The following KLHL1 variants were observed in gnomAD, a reference collection of about 807,000 sequenced individuals.
KLHL1 encodes the protein kelch-like protein 1.
A neutral mutation model predicts 77.7 loss-of-function variants in KLHL1; 47 were observed. That is an observed-to-expected ratio of 0.60 (90% CI 0.48 to 0.77). KLHL1 has a LOEUF of 0.77. Ranked by LOEUF, KLHL1 falls within the 30% of genes least tolerant of loss-of-function variation. The pLI, the probability that KLHL1 is intolerant of heterozygous loss-of-function variation, is 0.00. For missense variants in KLHL1, 925 were observed against 910.8 expected, an observed-to-expected ratio of 1.02 and a Z score of -0.20; for synonymous variants, 360 against 325.2, an observed-to-expected ratio of 1.11 and a Z score of -1.15.
intron 6 of KLHL1, among the ~76,000 whole-genome samples, chr13:69,800,514 T>A (rs1051945714): frequency 2.0e-5 from 3 of 152,204 alleles, no homozygotes. Context: ...TACTAGCCAA[T>A]ACAATTGATT....
intron 1 of KLHL1, among the ~76,000 whole-genome samples, chr13:70,067,475 G>A (rs765003354): frequency 5.5e-4 from 84 of 152,118 alleles, no homozygotes; most frequent in Non-Finnish European, 1.2e-3. Flanking sequence ...GACCTTGTAT[G>A]GGGAAAGCCG....
intron 7 of KLHL1, among the ~76,000 whole-genome samples, chr13:69,793,469 T>C (rs899584702): frequency 6.8e-6 from 1 of 147,468 alleles, no homozygotes; most frequent in South Asian, 2.2e-4. Context: ...ACTACAGAAC[T>C]CATGTGACTT....
chr13:70,012,909 AT>A (rs61379525), intron 1 of KLHL1, among the ~76,000 whole-genome samples: 2,063 of 119,304 alleles, frequency 0.017, 44 homozygotes, highest in African/African-American at 0.055. Context: ...TATAAAAAAA[AT>A]AATAATAATA....
chr13:69,706,501 T>G (rs1450036398), intron 10 of KLHL1, among the ~76,000 whole-genome samples: 1 of 151,946 alleles, frequency 6.6e-6, no homozygotes, highest in Non-Finnish European at 1.5e-5. Flanking sequence ...ACAAATGTAC[T>G]TTAATCAGGT....
intron 1 of KLHL1, among the ~76,000 whole-genome samples, chr13:70,091,156 T>A (rs1266956434): frequency 1.3e-5 from 2 of 152,120 alleles, no homozygotes; most frequent in East Asian, 3.9e-4. Context: ...CATCTCTACT[T>A]CTGCTTCAGC....
intron 1 of KLHL1, among the ~76,000 whole-genome samples, chr13:70,075,102 G>T (rs961267533): frequency 6.6e-6 from 1 of 151,968 alleles, no homozygotes; most frequent in Non-Finnish European, 1.5e-5. Context: ...TATGTACATG[G>T]GGGCCATACA....
At chr13:69,859,077 T>C (rs1399800547) in intron 5 of KLHL1, among the ~76,000 whole-genome samples, 1 of 152,038 alleles carries the variant, frequency 6.6e-6, no homozygotes, top group African/African-American at 2.4e-5. Flanking sequence ...ATCAAAGCAC[T>C]GTATAAAACT....
chr13:69,969,464 C>A (rs1354869956), intron 2 of KLHL1, among the ~76,000 whole-genome samples: 1 of 151,904 alleles, frequency 6.6e-6, no homozygotes, highest in African/African-American at 2.4e-5. Flanking sequence ...TTAATTAAAT[C>A]ATTGTATGAT....
chr13:69,727,811 G>T (rs1416505040), intron 8 of KLHL1, among the ~76,000 whole-genome samples: 1 of 151,296 alleles, frequency 6.6e-6, no homozygotes, highest in Non-Finnish European at 1.5e-5. Flanking sequence ...TTCAACCAGA[G>T]TGAATATTTA....
intron 7 of KLHL1, among the ~76,000 whole-genome samples, chr13:69,755,114 C>T (rs968187446): frequency 6.6e-6 from 1 of 152,028 alleles, no homozygotes; most frequent in Non-Finnish European, 1.5e-5. Context: ...GTGATTGGGT[C>T]ATGGGGGTGG....
chr13:69,936,580 G>T, intron 4 of KLHL1, among the ~76,000 whole-genome samples: 1 of 126,094 alleles, frequency 7.9e-6, no homozygotes, highest in Non-Finnish European at 1.6e-5. Flanking sequence ...CAGACAGAAC[G>T]AGACTCCATC....
chr13:69,783,901 A>G (rs983361827), intron 7 of KLHL1, among the ~76,000 whole-genome samples: 1 of 151,938 alleles, frequency 6.6e-6, no homozygotes, highest in African/African-American at 2.4e-5. Context: ...AGTTGAAATG[A>G]AGGAAAAAAT....
chr13:70,001,648 ATCT>A lies in KLHL1; in HGVS notation c.498-25849_498-25847del, dbSNP rs1448987960. The stretch of plus-strand genomic sequence containing the variant: ...CATCTTTCTACTGAAACATTGGGAT[ATCT>A]ATCTATTATCTATCTATCTATCTAT... On this transcript the variant is annotated intron_variant, in intron 1 of 10. Transcript: ENST00000377844. Among the ~76,000 whole-genome samples, 258 of 133,622 alleles carry A rather than the reference ATCT, an allele frequency of 1.9e-3. 1 individual carries two copies. The highest frequency in any genetic ancestry group is 6.8e-3 in the African/African-American group (246 of 36,102). 87.7% of individuals were successfully genotyped at this position (133,622 alleles called of 152,430 possible). A position where few individuals can be genotyped will look rare whatever the true frequency, so the allele number is the denominator to read the frequency against.
chr13:70,108,009 G>A lies in KLHL1; in HGVS notation c.-310C>T. On this transcript the variant is annotated 5_prime_UTR_variant, in exon 1 of 11. Coordinates refer to ENST00000377844, the MANE Select transcript of KLHL1 (RefSeq NM_020866.3). ...CTCGATGCCCGCGCGAGAGCCCCGT[G>A]TTATGGCGAGGTGGGACAACCCTTA... is the stretch of plus-strand genomic sequence containing the variant. The A allele has an allele frequency of 2.2e-6, 1 of 444,626 alleles. No individual in the cohort carries two copies. Among genetic ancestry groups the A allele is most frequent in the Middle Eastern group, 5.9e-4 (1 of 1,704 alleles). The allele number at this position is 444,626 out of a possible 1,614,324, so 27.5% of individuals were successfully genotyped here.
chr13:69,781,497 G>A (rs1420959411), intron 7 of KLHL1, among the ~76,000 whole-genome samples: 1 of 151,928 alleles, frequency 6.6e-6, no homozygotes, highest in Non-Finnish European at 1.5e-5. Context: ...TAGCACCTAG[G>A]ATTGATACTC....
intron 4 of KLHL1, among the ~76,000 whole-genome samples, chr13:69,898,924 G>T (rs1279032543): frequency 6.6e-6 from 1 of 152,128 alleles, no homozygotes; most frequent in Non-Finnish European, 1.5e-5. Flanking sequence ...TTTGGTGCTA[G>T]AGACATCTGA....
intron 1 of KLHL1, among the ~76,000 whole-genome samples, chr13:70,059,340 T>A (rs539716237): frequency 6.6e-6 from 1 of 152,214 alleles, no homozygotes; most frequent in South Asian, 2.1e-4. Flanking sequence ...TTTGGTTTTT[T>A]CAATTTTTTA....
intron 3 of KLHL1, among the ~76,000 whole-genome samples, chr13:69,941,574 C>G (rs1383111131): frequency 6.6e-6 from 1 of 151,888 alleles, no homozygotes; most frequent in Non-Finnish European, 1.5e-5. Context: ...ACAAACCAAT[C>G]CAAAACCCAA....
intron 1 of KLHL1, among the ~76,000 whole-genome samples, chr13:70,050,281 C>G (rs1886599850): frequency 6.6e-6 from 1 of 151,870 alleles, no homozygotes; most frequent in Admixed American, 6.6e-5. Flanking sequence ...CTTCTTCCTT[C>G]TTAAGAAATC....
Sources: gnomAD v4.1 joint callset for allele counts (sites outside exome capture counted in the v4.1 genomes callset) on GRCh38, gnomAD v4.1.1 for gene constraint, MANE v1.5 for transcripts, NCBI Gene and HGNC (gene_info 2026-07-23, HGNC 2026-07-21) for gene names.